The following SLC44A3 variants were observed in gnomAD, a reference collection of about 807,000 sequenced individuals.
The protein encoded by SLC44A3 is choline transporter-like protein 3.
In SLC44A3, 74 loss-of-function variants were observed where a neutral mutation model predicts 75.4. The ratio of observed to expected loss-of-function variants is 0.98; its 90% CI spans 0.81 to 1.19. The LOEUF (loss-of-function observed/expected upper bound fraction) is 1.19, where lower values mean the gene tolerates loss of function less well. Among genes scored for constraint, SLC44A3 ranks in the 50% most tolerant of loss-of-function variants. SLC44A3 has a pLI of 0.00. For synonymous variants in SLC44A3, 310 were observed against 296.9 expected, an observed-to-expected ratio of 1.04 and a Z score of -0.45; for missense variants, 700 against 778.6, an observed-to-expected ratio of 0.90 and a Z score of 1.20.
chr1:94,825,607 C>T lies in SLC44A3; in HGVS notation c.278+972C>T, dbSNP rs988261298. Among the ~76,000 whole-genome samples, 10 of 152,230 alleles carry T rather than the reference C, an allele frequency of 6.6e-5. No homozygotes were observed. In the South Asian group the frequency reaches 8.3e-4, roughly 13 times the overall value. On this transcript the variant is annotated intron_variant, in intron 3 of 14. Transcript: ENST00000271227. ...CCTCCCAAAGTGCTGGGATTACAGCCGTGAGCCACCACACCCAGCCAAAAA... is the reference window on the plus strand; with the variant it reads ...CCTCCCAAAGTGCTGGGATTACAGCTGTGAGCCACCACACCCAGCCAAAAA...
chr1:94,877,362 A>G (rs890445976), intron 12 of SLC44A3, among the ~76,000 whole-genome samples: 15 of 152,130 alleles, frequency 9.9e-5, no homozygotes, highest in Non-Finnish European at 1.9e-4. Flanking sequence ...AGCCAGTGAG[A>G]ATTGAAGACT....
chr1:94,862,964 G>T (rs1255395529), intron 10 of SLC44A3, among the ~76,000 whole-genome samples: 1 of 152,180 alleles, frequency 6.6e-6, no homozygotes, highest in Non-Finnish European at 1.5e-5. Context: ...GGAGGCACTA[G>T]CCCCACACAC....
At chr1:94,882,109 G>A (rs982744058) in intron 12 of SLC44A3, among the ~76,000 whole-genome samples, 1 of 152,160 alleles carries the variant, frequency 6.6e-6, no homozygotes, top group Non-Finnish European at 1.5e-5. Context: ...CAGGCACCAT[G>A]GTAAACATTT....
intron 7 of SLC44A3, among the ~76,000 whole-genome samples, chr1:94,841,489 C>A (rs766674774): frequency 4.5e-4 from 69 of 152,102 alleles, no homozygotes; most frequent in Admixed American, 1.3e-4. Flanking sequence ...TATTTCGTAC[C>A]TAAATGTGGA....
At chr1:94,845,528 C>T in intron 9 of SLC44A3, 64 bp downstream of exon 9, 1 of 1,479,924 alleles carries the variant, frequency 6.8e-7, no homozygotes, top group Non-Finnish European at 9.0e-7. Flanking sequence ...ATTTTGGAAC[C>T]ACTGGCCTGT....
intron 14 of SLC44A3, 85 bp downstream of exon 14, chr1:94,892,602 A>G: frequency 7.7e-7 from 1 of 1,293,660 alleles, no homozygotes; most frequent in Non-Finnish European, 1.1e-6. Context: ...AAAGAGGCTC[A>G]TACCCAGCCT....
intron 12 of SLC44A3, among the ~76,000 whole-genome samples, chr1:94,875,491 C>T (rs1668174724): frequency 6.6e-6 from 1 of 151,930 alleles, no homozygotes; most frequent in African/African-American, 2.4e-5. Flanking sequence ...CCCTATCCTG[C>T]ATCTTCTCTT....
rs201552836 is a variant in SLC44A3 at position 94,892,402 on chromosome 1, G to T, written c.1742G>T (p.Ser581Ile). The T allele has an allele frequency of 6.1e-5, 98 of 1,614,134 alleles. No individual in the cohort carries two copies. The East Asian group carries it at 1.7e-3, about 28-fold the overall frequency. ...TTTTTTGCCTACTTAGTAGCCCATA[G>T]TTTTTTATCTGTGTTTGAAACTGTG... ...VAFFAYLVAHSFLSVFETVLD... is the reference protein window; with the variant it reads ...VAFFAYLVAHIFLSVFETVLD... The change falls in exon 14 of 15, where the codon AGT (serine) becomes ATT (isoleucine). Residue 581 changes from serine (S) to isoleucine (I), a missense_variant. By Grantham distance (142) the Ser-to-Ile change is moderately radical. Transcript: ENST00000271227.
intron 9 of SLC44A3, among the ~76,000 whole-genome samples, chr1:94,851,213 A>C (rs533796801): frequency 6.6e-6 from 1 of 152,236 alleles, no homozygotes; most frequent in South Asian, 2.1e-4. Context: ...TAAATTTCTC[A>C]GCCATACTTA....
Position 94,845,215 on chromosome 1 carries a change from C to T in SLC44A3, c.886-63C>T. 8.1e-6 allele frequency: 12 copies of T among 1,476,036 alleles called. No homozygotes were observed. In the South Asian group the frequency reaches 1.6e-4, roughly 20 times the overall value. The allele number at this position is 1,476,036 out of a possible 1,614,324, so 91.4% of individuals were successfully genotyped here. On this transcript the variant is annotated intron_variant, in intron 8 of 14. Transcript: ENST00000271227. The stretch of plus-strand genomic sequence containing the variant: ...GATGTCATAATAATAGTAGGGCTTG[C>T]TTTAAGCTCTACCCAGTTCTCCATT...
chr1:94,870,946 G>A (rs1407154251), intron 12 of SLC44A3, among the ~76,000 whole-genome samples: 1 of 152,218 alleles, frequency 6.6e-6, no homozygotes, highest in Non-Finnish European at 1.5e-5. Flanking sequence ...CTCCCAAACT[G>A]CAGAGATCAC....
intron 14 of SLC44A3, 145 bp downstream of exon 14, chr1:94,892,662 G>T: frequency 1.3e-6 from 1 of 798,226 alleles, no homozygotes; most frequent in Non-Finnish European, 2.0e-6. Context: ...GCCTGAAAGT[G>T]GGATTTGCGC....
intron 6 of SLC44A3, among the ~76,000 whole-genome samples, chr1:94,839,428 C>T (rs1177087378): frequency 1.3e-5 from 2 of 151,872 alleles, no homozygotes; most frequent in Non-Finnish European, 2.9e-5. Flanking sequence ...TGCTCTGTTG[C>T]CCAGGCTGGA....
intron 9 of SLC44A3, among the ~76,000 whole-genome samples, chr1:94,848,713 T>C (rs946111558): frequency 6.6e-6 from 1 of 152,092 alleles, no homozygotes; most frequent in Non-Finnish European, 1.5e-5. Context: ...AGGTCGACTC[T>C]CTGCCCTCAG....
At chr1:94,833,591 T>C (rs1662413153) in intron 5 of SLC44A3, among the ~76,000 whole-genome samples, 1 of 152,068 alleles carries the variant, frequency 6.6e-6, no homozygotes, top group Non-Finnish European at 1.5e-5. Flanking sequence ...GGCTCTTAAC[T>C]CCCCAGCTGT....
rs755737434 is a variant in SLC44A3, at chr1:94,837,667, A to T, written c.510-44A>T. 9 of 1,523,810 alleles carry T rather than the reference A, an allele frequency of 5.9e-6. No individual in the cohort carries two copies. The East Asian group carries it at 2.1e-4, about 36-fold the overall frequency. The allele number at this position is 1,523,810 out of a possible 1,614,324, so 94.4% of individuals were successfully genotyped here. A position where few individuals can be genotyped will look rare whatever the true frequency, so the allele number is the denominator to read the frequency against. ...TTAAATAAACATCTTTTAAAGATAA[A>T]TGTTAAATAAACATTTTTGCCATCT... On this transcript the variant is annotated intron_variant, in intron 5 of 14. Transcript: ENST00000271227.
Position 94,828,555 on chromosome 1 carries a change from T to C in SLC44A3, c.478T>C (p.Ser160Pro), listed in dbSNP as rs768465394. Residue 160 changes from serine (S) to proline (P), a missense_variant, in exon 5 of 15, where the codon TCA becomes CCA. Coordinates refer to ENST00000271227, the MANE Select transcript of SLC44A3 (RefSeq NM_001114106.3). Reference sequence around the variant, plus strand: ...CTATACCCACAGTCCAAAAGCAGACTCACTGTGTCCCAGGCTACCAGTTCC... The same window carrying C: ...CTATACCCACAGTCCAAAAGCAGACCCACTGTGTCCCAGGCTACCAGTTCC... ...FNYTHSPKAD[S>P]LCPRLPVPPS... The C allele has an allele frequency of 6.8e-6, 11 of 1,613,832 alleles. No individual in the cohort carries two copies. In the East Asian group the frequency reaches 1.3e-4, roughly 20 times the overall value.
intron 3 of SLC44A3, among the ~76,000 whole-genome samples, chr1:94,826,327 G>A (rs750122955): frequency 1.3e-5 from 2 of 152,170 alleles, no homozygotes; most frequent in East Asian, 3.9e-4. Context: ...GCCCAACAAC[G>A]TGAATGTACT....
At position 94,820,601 on chromosome 1, in the gene SLC44A3, G is replaced by T. The variant is rs72958558; in HGVS notation, c.27+123G>T. ...CCCGCGCCTCGGGGATCCCGCCCCCGCTTAGTACCTTGGGGCCACCTGGCG... is the reference window on the plus strand; with the variant it reads ...CCCGCGCCTCGGGGATCCCGCCCCCTCTTAGTACCTTGGGGCCACCTGGCG... On this transcript the variant is annotated intron_variant, in intron 1 of 14. Coordinates refer to ENST00000271227, the MANE Select transcript of SLC44A3 (RefSeq NM_001114106.3). 4.2e-3 allele frequency: 5,911 copies of T among 1,393,468 alleles called. 247 individuals carry two copies. The African/African-American group carries it at 0.08, about 19-fold the overall frequency. The allele number at this position is 1,393,468 out of a possible 1,614,324, so 86.3% of individuals were successfully genotyped here. A position where few individuals can be genotyped will look rare whatever the true frequency, so the allele number is the denominator to read the frequency against.
Sources: gnomAD v4.1 joint callset for allele counts (sites outside exome capture counted in the v4.1 genomes callset) on GRCh38, gnomAD v4.1.1 for gene constraint, MANE v1.5 for transcripts, NCBI Gene and HGNC (gene_info 2026-07-23, HGNC 2026-07-21) for gene names.